The following CNTNAP2 variants were observed in gnomAD, a reference collection of about 807,000 sequenced individuals.
The protein encoded by CNTNAP2 is contactin associated protein 2, also known as contactin-associated protein-like 2.
In CNTNAP2, 98 loss-of-function variants were observed where a neutral mutation model predicts 155.2. The observed-to-expected ratio is 0.63, with a 90% CI of 0.54 to 0.75. The LOEUF (loss-of-function observed/expected upper bound fraction) is 0.75. CNTNAP2 is among the 30% of genes least tolerant of loss of function. CNTNAP2 has a pLI of 0.00. For missense variants in CNTNAP2, 1,727 were observed against 1,688.1 expected, an observed-to-expected ratio of 1.02 and a Z score of -0.40; for synonymous variants, 651 against 631.2, an observed-to-expected ratio of 1.03 and a Z score of -0.47.
chr7:146,416,053 T>A (rs1030702535), intron 1 of CNTNAP2, among the ~76,000 whole-genome samples: 1 of 151,942 alleles, frequency 6.6e-6, no homozygotes, highest in African/African-American at 2.4e-5. Flanking sequence ...AAAGTAATCA[T>A]GGAAGAATAT....
chr7:147,086,676 G>A (rs915592533), intron 4 of CNTNAP2, among the ~76,000 whole-genome samples: 5 of 152,010 alleles, frequency 3.3e-5, no homozygotes, highest in Admixed American at 2.0e-4. Context: ...GGGCTCCAGC[G>A]ATTCTCCACC....
chr7:148,242,966 G>A (rs1448762633), intron 20 of CNTNAP2, among the ~76,000 whole-genome samples: 1 of 152,142 alleles, frequency 6.6e-6, no homozygotes. Context: ...AAATGTTAAG[G>A]AGAGGGGCAA....
intron 9 of CNTNAP2, 137 bp from the exon 10 acceptor site, chr7:147,395,472 A>G: frequency 4.7e-6 from 4 of 849,500 alleles, no homozygotes; most frequent in South Asian, 1.5e-5. Flanking sequence ...CTTTTTCTAC[A>G]CTGAATATAA....
At chr7:146,456,087 A>G (rs1049456497) in intron 1 of CNTNAP2, among the ~76,000 whole-genome samples, 1 of 152,184 alleles carries the variant, frequency 6.6e-6, no homozygotes, top group Non-Finnish European at 1.5e-5. Context: ...ATGTTTCAAT[A>G]TACTTGTTCC....
At chr7:146,493,060 C>G (rs1797163170) in intron 1 of CNTNAP2, among the ~76,000 whole-genome samples, 2 of 151,990 alleles carry the variant, frequency 1.3e-5, no homozygotes, top group African/African-American at 4.8e-5. Flanking sequence ...AAATAATAAC[C>G]CTTGGAAATA....
chr7:148,012,427 T>A (rs1462677424), intron 15 of CNTNAP2, among the ~76,000 whole-genome samples: 1 of 152,240 alleles, frequency 6.6e-6, no homozygotes, highest in African/African-American at 2.4e-5. Context: ...AACATTGCTG[T>A]CCAACCACTG....
At chr7:146,632,626 T>C (rs1410461554) in intron 1 of CNTNAP2, among the ~76,000 whole-genome samples, 1 of 152,028 alleles carries the variant, frequency 6.6e-6, no homozygotes, top group Non-Finnish European at 1.5e-5. Context: ...TTCTTAACCA[T>C]AACGTAGAGT....
At chr7:148,189,939 G>A (rs1467976753) in intron 18 of CNTNAP2, 1 of 152,144 alleles carries the variant, frequency 6.6e-6, no homozygotes, top group Non-Finnish European at 1.5e-5. Context: ...TGTCTGGAGG[G>A]GCTTCTTTTA....
chr7:146,775,603 AAAGGAAGG>A (rs113528085), intron 2 of CNTNAP2, among the ~76,000 whole-genome samples: 20 of 151,344 alleles, frequency 1.3e-4, no homozygotes, highest in East Asian at 2.0e-4. Context: ...AGGAAGGAAG[AAAGGAAGG>A]AAGGAAGGAA....
intron 1 of CNTNAP2, among the ~76,000 whole-genome samples, chr7:146,336,923 G>A (rs1243447506): frequency 6.6e-6 from 1 of 152,120 alleles, no homozygotes; most frequent in Non-Finnish European, 1.5e-5. Flanking sequence ...GGTGGTCATG[G>A]GTTAACCATG....
intron 2 of CNTNAP2, among the ~76,000 whole-genome samples, chr7:146,785,512 G>T (rs1033109039): frequency 2.6e-5 from 4 of 152,142 alleles, no homozygotes; most frequent in Non-Finnish European, 4.4e-5. Flanking sequence ...TCTACTAATT[G>T]TAAATTTCAA....
At chr7:148,275,182 G>A (rs760852025) in intron 21 of CNTNAP2, among the ~76,000 whole-genome samples, 5 of 152,192 alleles carry the variant, frequency 3.3e-5, no homozygotes, top group Non-Finnish European at 7.3e-5. Flanking sequence ...ATCATACAAT[G>A]TATCAATATG....
rs559753868 is a variant in CNTNAP2 at position 146,348,340 on chromosome 7, G to A, written c.97+231367G>A. Reference sequence around the variant, plus strand: ...TTTGGGAGACTGAGGCAGGAGAATCGCTTGAACCTGGGAAGTGAAGGTTGC... The same window carrying A: ...TTTGGGAGACTGAGGCAGGAGAATCACTTGAACCTGGGAAGTGAAGGTTGC... On this transcript the variant is annotated intron_variant, in intron 1 of 23. Transcript: ENST00000361727. Among the ~76,000 whole-genome samples, 277 of 152,206 alleles carry A rather than the reference G, an allele frequency of 1.8e-3. 2 individuals are homozygous for A. Among genetic ancestry groups the A allele is most frequent in the Non-Finnish European group, 5.7e-4 (39 of 68,016 alleles).
chr7:147,015,277 A>AT (rs1192877000), intron 3 of CNTNAP2, among the ~76,000 whole-genome samples: 6 of 152,252 alleles, frequency 3.9e-5, no homozygotes, highest in Admixed American at 3.9e-4. Flanking sequence ...CATTGGTAAA[A>AT]TGGACAGAGT....
intron 8 of CNTNAP2, among the ~76,000 whole-genome samples, chr7:147,238,088 C>T (rs963404607): frequency 6.6e-6 from 1 of 152,188 alleles, no homozygotes; most frequent in African/African-American, 2.4e-5. Flanking sequence ...GATCTCGGCT[C>T]ACTACAAGCT....
chr7:146,860,409 G>T (rs1795074803), intron 3 of CNTNAP2, among the ~76,000 whole-genome samples: 1 of 152,116 alleles, frequency 6.6e-6, no homozygotes, highest in Admixed American at 6.6e-5. Flanking sequence ...AGGGTGGCAG[G>T]GTGTGTGGCC....
intron 20 of CNTNAP2, among the ~76,000 whole-genome samples, chr7:148,253,602 G>A (rs532457191): frequency 5.5e-4 from 83 of 152,268 alleles, no homozygotes; most frequent in Middle Eastern, 6.8e-3. Context: ...CATAATGTTA[G>A]GAGGTGTCAG....
chr7:146,414,326 G>T (rs914806080), intron 1 of CNTNAP2, among the ~76,000 whole-genome samples: 2 of 152,264 alleles, frequency 1.3e-5, no homozygotes, highest in Admixed American at 6.5e-5. Flanking sequence ...GTTTTGCTTA[G>T]CCCACATAGG....
At chr7:146,375,711 C>G (rs1428033171) in intron 1 of CNTNAP2, among the ~76,000 whole-genome samples, 1 of 152,126 alleles carries the variant, frequency 6.6e-6, no homozygotes, top group Non-Finnish European at 1.5e-5. Flanking sequence ...ATATTTTTCC[C>G]ATTTAAGTCA....
Sources: gnomAD v4.1 joint callset for allele counts (sites outside exome capture counted in the v4.1 genomes callset) on GRCh38, gnomAD v4.1.1 for gene constraint, MANE v1.5 for transcripts, NCBI Gene and HGNC (gene_info 2026-07-23, HGNC 2026-07-21) for gene names.